KCNG2: variants seen among roughly 807,000 people sequenced by gnomAD.
The protein encoded by KCNG2 is voltage-gated potassium channel regulatory subunit KCNG2.
A neutral mutation model predicts 12.3 loss-of-function variants in KCNG2; 7 were observed. The observed-to-expected ratio is 0.57, with a 90% CI of 0.32 to 1.07. The LOEUF is 1.07. Ranked by LOEUF, KCNG2 falls within the 50% of genes least tolerant of loss-of-function variation. The pLI, the probability that KCNG2 is intolerant of heterozygous loss-of-function variation, is 0.04. For missense variants in KCNG2, 703 were observed against 726.0 expected (o/e 0.97, Z 0.36); for synonymous variants, 414 against 351.4 (o/e 1.18, Z -1.99).
In KCNG2 at chr18:79,800,423, C is replaced by T. The variant is rs1297610706; in HGVS notation, c.-115+2409C>T. Among the ~76,000 whole-genome samples, 2 of 152,166 alleles carry T rather than the reference C, an allele frequency of 1.3e-5. No individual in the cohort carries two copies. Among genetic ancestry groups the T allele is most frequent in the Non-Finnish European group, 2.9e-5 (2 of 68,032 alleles). ...TCGCTCAGACACAAACGGGTGCTGC[C>T]ATCAGGTAGCCCAGCCGGTAGGCAT... On this transcript the variant is annotated intron_variant, in intron 1 of 3. Transcript: ENST00000316249. This position sits in a 1 kb window ranked among gnomAD's most constrained non-coding sequence, Gnocchi z 4.0.
chr18:79,895,397 G>C (rs187268986), intron 3 of KCNG2, among the ~76,000 whole-genome samples: 2 of 150,810 alleles, frequency 1.3e-5, no homozygotes, highest in East Asian at 2.0e-4. Flanking sequence ...ATATAGTTGG[G>C]TCTGTGTCTT....
At chr18:79,845,216 C>T (rs1568253652) in intron 1 of KCNG2, among the ~76,000 whole-genome samples, 1 of 152,158 alleles carries the variant, frequency 6.6e-6, no homozygotes, top group South Asian at 2.1e-4. Context: ...CTTGAAATGA[C>T]AATATTATGA....
intron 1 of KCNG2, among the ~76,000 whole-genome samples, chr18:79,812,586 C>G (rs4798916): frequency 0.14 from 20,638 of 152,238 alleles, 1,906 homozygotes; most frequent in South Asian, 0.35. Flanking sequence ...ATAAGCCGGG[C>G]CTGGTGGCTC....
At chr18:79,805,826 G>C (rs2087445141) in intron 1 of KCNG2, among the ~76,000 whole-genome samples, 1 of 151,994 alleles carries the variant, frequency 6.6e-6, no homozygotes, top group Non-Finnish European at 1.5e-5. Flanking sequence ...GTCTAGTTGT[G>C]GGGGAGGAGG....
At chr18:79,852,562 C>T (rs1446066315) in intron 1 of KCNG2, among the ~76,000 whole-genome samples, 6 of 152,270 alleles carry the variant, frequency 3.9e-5, no homozygotes, top group African/African-American at 1.4e-4. Context: ...CAGTTCCAGC[C>T]TCCTTTGAGG....
chr18:79,877,520 C>T (rs750449663), intron 3 of KCNG2, among the ~76,000 whole-genome samples: 12 of 152,184 alleles, frequency 7.9e-5, no homozygotes, highest in African/African-American at 2.4e-4. Flanking sequence ...AGCCCTCCCT[C>T]GCCGTTGGGG....
chr18:79,829,149 T>C (rs1302134859), intron 1 of KCNG2, among the ~76,000 whole-genome samples: 1 of 144,934 alleles, frequency 6.9e-6, no homozygotes, highest in Non-Finnish European at 1.5e-5. Flanking sequence ...TGTGGGTGTC[T>C]ATGTGTGCGT....
intron 3 of KCNG2, among the ~76,000 whole-genome samples, chr18:79,891,318 C>T (rs1414669413): frequency 1.3e-5 from 2 of 149,664 alleles, no homozygotes; most frequent in African/African-American, 4.9e-5. Context: ...GAAGCCACAA[C>T]CTTTTAGACT....
chr18:79,882,789 AGCGCGGAGGCCGGGTACACCTGCGCG>A, intron 3 of KCNG2, among the ~76,000 whole-genome samples: 2 of 148,316 alleles, frequency 1.3e-5, no homozygotes, highest in Non-Finnish European at 3.0e-5. Context: ...CTGCGCGTGG[AGCGCGGAGGCCGGGTACACCTGCGCG>A]TGGAGCGCGG....
At chr18:79,857,334 C>T (rs768115805) in intron 2 of KCNG2, among the ~76,000 whole-genome samples, 4 of 151,134 alleles carry the variant, frequency 2.6e-5, no homozygotes, top group Non-Finnish European at 5.9e-5. Context: ...CTCTCCTGGC[C>T]TCCATTGCAG....
intron 1 of KCNG2, among the ~76,000 whole-genome samples, chr18:79,810,768 GACAAA>G (rs1568242257): frequency 2.0e-5 from 3 of 152,020 alleles, no homozygotes; most frequent in African/African-American, 7.2e-5. Flanking sequence ...TGTATAAAAA[GACAAA>G]ACAAACCAAA....
intron 3 of KCNG2, among the ~76,000 whole-genome samples, chr18:79,883,302 G>A (rs757184544): frequency 2.2e-4 from 33 of 152,318 alleles, no homozygotes; most frequent in Admixed American, 4.6e-4. Context: ...TGGGGGAGCT[G>A]TCCTGCGTCT....
intron 1 of KCNG2, among the ~76,000 whole-genome samples, chr18:79,825,945 T>C (rs535073308): frequency 1.3e-5 from 2 of 152,356 alleles, no homozygotes; most frequent in East Asian, 3.9e-4. Context: ...CCTGTCGCCC[T>C]CTCGGCCGCT....
At chr18:79,889,805 G>A (rs528034804) in intron 3 of KCNG2, among the ~76,000 whole-genome samples, 6 of 152,358 alleles carry the variant, frequency 3.9e-5, no homozygotes, top group South Asian at 4.1e-4. Flanking sequence ...AGACGTTAGC[G>A]TCTCGTTCCT....
intron 3 of KCNG2, among the ~76,000 whole-genome samples, chr18:79,871,853 T>TC (rs1979845523): frequency 6.6e-6 from 1 of 152,198 alleles, no homozygotes; most frequent in African/African-American, 2.4e-5. Context: ...CAGGTGCCAG[T>TC]CAGCAGCGTC....
At chr18:79,813,895 A>G (rs2087509931) in intron 1 of KCNG2, among the ~76,000 whole-genome samples, 1 of 152,252 alleles carries the variant, frequency 6.6e-6, no homozygotes, top group Non-Finnish European at 1.5e-5. Flanking sequence ...AACTCTCTAA[A>G]TCACCGGTAA....
At chr18:79,805,876 C>T (rs969952803) in intron 1 of KCNG2, among the ~76,000 whole-genome samples, 3 of 152,072 alleles carry the variant, frequency 2.0e-5, no homozygotes, top group Non-Finnish European at 4.4e-5. Context: ...CACACACACA[C>T]ACACGTGCAC....
intron 1 of KCNG2, among the ~76,000 whole-genome samples, chr18:79,827,350 C>T (rs186431905): frequency 6.6e-6 from 1 of 152,338 alleles, no homozygotes; most frequent in East Asian, 1.9e-4. Context: ...GTGTCAGCAT[C>T]GTGCCTCTAA....
At chr18:79,851,646 TGA>T (rs1599392489) in intron 1 of KCNG2, among the ~76,000 whole-genome samples, 3 of 151,960 alleles carry the variant, frequency 2.0e-5, no homozygotes, top group East Asian at 3.9e-4. Flanking sequence ...TGTGCAAGTG[TGA>T]GTGAATGTGT....
Sources: gnomAD v4.1 joint callset for allele counts (sites outside exome capture counted in the v4.1 genomes callset) on GRCh38, gnomAD v4.1.1 for gene constraint, Gnocchi (gnomAD v3.1) non-coding constraint, MANE v1.5 for transcripts, NCBI Gene and HGNC (gene_info 2026-07-23, HGNC 2026-07-21) for gene names.